CALD1: variants seen among roughly 807,000 people sequenced by gnomAD.
CALD1 encodes caldesmon.
In CALD1, 33 loss-of-function variants were observed where a neutral mutation model predicts 99.9. That is an observed-to-expected ratio of 0.33 (90% confidence interval 0.25 to 0.44). The LOEUF is 0.44. Among genes scored for constraint, CALD1 ranks in the 20% least tolerant of loss-of-function variants. CALD1 has a pLI of 1.00. For synonymous variants in CALD1, 310 were observed against 325.0 expected (o/e 0.95, Z 0.50); for missense variants, 861 against 962.1 (o/e 0.89, Z 1.39).
chr7:134,870,905 G>A (rs976475848), intron 3 of CALD1, among the ~76,000 whole-genome samples: 5 of 152,152 alleles, frequency 3.3e-5, no homozygotes, highest in African/African-American at 1.2e-4. Flanking sequence ...GATCATTTAT[G>A]GGAATAGTGA....
upstream of CALD1, among the ~76,000 whole-genome samples, chr7:134,776,915 C>G (rs1029312354): frequency 3.4e-4 from 51 of 152,080 alleles, no homozygotes; most frequent in African/African-American, 1.2e-3. Flanking sequence ...TATAAAGAAT[C>G]GTCCAGATAT....
At chr7:134,965,214 T>C in intron 13 of CALD1, 92 bp from the exon 14 acceptor site, 1 of 745,636 alleles carries the variant, frequency 1.3e-6, no homozygotes, top group Non-Finnish European at 2.5e-6. Flanking sequence ...ACAAACTGAT[T>C]CAAATAAACA....
chr7:134,818,972 A>G (rs1798665300), intron 1 of CALD1, among the ~76,000 whole-genome samples: 1 of 152,198 alleles, frequency 6.6e-6, no homozygotes, highest in Admixed American at 6.5e-5. Context: ...AGAGATTTCA[A>G]TCCTGTTCAG....
At chr7:134,922,335 T>G (rs1266710018) in intron 3 of CALD1, among the ~76,000 whole-genome samples, 1 of 152,236 alleles carries the variant, frequency 6.6e-6, no homozygotes, top group Admixed American at 6.5e-5. Flanking sequence ...TAAACATGGC[T>G]TCCTCATAAG....
intron 3 of CALD1, among the ~76,000 whole-genome samples, chr7:134,916,848 G>C (rs1339050872): frequency 2.0e-5 from 3 of 152,206 alleles, no homozygotes; most frequent in African/African-American, 7.2e-5. Flanking sequence ...ATTTAGGGAT[G>C]AGTCGAACTT....
intron 1 of CALD1, among the ~76,000 whole-genome samples, chr7:134,792,283 CTTCTT>C (rs1797567567): frequency 6.9e-6 from 1 of 145,082 alleles, no homozygotes; most frequent in Non-Finnish European, 1.5e-5. Flanking sequence ...CAAATTTCCT[CTTCTT>C]TTTTTTTTTT....
the CALD1 span, among the ~76,000 whole-genome samples, chr7:134,730,980 C>T: frequency 6.6e-6 from 1 of 152,148 alleles, no homozygotes; most frequent in Non-Finnish European, 1.5e-5. Context: ...TTATTTCCCT[C>T]ATTCCATGCC....
At chr7:134,908,052 C>T (rs576993730) in intron 3 of CALD1, among the ~76,000 whole-genome samples, 2 of 152,224 alleles carry the variant, frequency 1.3e-5, no homozygotes, top group South Asian at 4.1e-4. Context: ...AGATCTCTAA[C>T]TGAGCTTTAG....
chr7:134,825,746 ATTAACCTCCCAAATGATTTATTGGTCAT>A (rs1221836817), intron 1 of CALD1, among the ~76,000 whole-genome samples: 1 of 152,134 alleles, frequency 6.6e-6, no homozygotes, highest in Admixed American at 6.6e-5. Flanking sequence ...CTTCCTGTAG[ATTAACCTCCCAAATGATTTATTGGTCAT>A]TAATAGCTCA....
intron 1 of CALD1, among the ~76,000 whole-genome samples, chr7:134,795,401 T>C (rs1292336163): frequency 6.6e-6 from 1 of 152,190 alleles, no homozygotes; most frequent in Non-Finnish European, 1.5e-5. Context: ...ATGATTTTGT[T>C]CCTAATTTGC....
At chr7:134,811,093 T>C (rs1374647094) in intron 1 of CALD1, among the ~76,000 whole-genome samples, 1 of 152,176 alleles carries the variant, frequency 6.6e-6, no homozygotes, top group African/African-American at 2.4e-5. Flanking sequence ...ATCTGACCAA[T>C]AGGGTTTACT....
Position 134,970,442 on chromosome 7 carries a change from T to C in CALD1, c.*2097T>C, listed in dbSNP as rs1221601711. On this transcript the variant is annotated 3_prime_UTR_variant, in exon 15 of 15. Transcript: ENST00000361675. The stretch of plus-strand genomic sequence containing the variant: ...AGTTTGGATTTAATCTTTTGAAAAG[T>C]AAATTCCTTGTTTACTGGTTTGACT... 2 of 152,676 alleles carry C rather than the reference T, an allele frequency of 1.3e-5. No individual in the cohort carries two copies. Among genetic ancestry groups the C allele is most frequent in the Admixed American group, 6.5e-5 (1 of 15,288 alleles). 9.5% of individuals were successfully genotyped at this position (152,676 alleles called of 1,614,324 possible).
chr7:134,921,759 C>T (rs776612909), intron 3 of CALD1, among the ~76,000 whole-genome samples: 9 of 151,982 alleles, frequency 5.9e-5, no homozygotes, highest in Non-Finnish European at 8.8e-5. Flanking sequence ...TGCAGTGAGC[C>T]GAGATTGGGC....
the CALD1 span, among the ~76,000 whole-genome samples, chr7:134,731,341 C>T: frequency 6.6e-6 from 1 of 152,218 alleles, no homozygotes; most frequent in Non-Finnish European, 1.5e-5. Flanking sequence ...CTTGCTTTCT[C>T]TTCACCGTCT....
At chr7:134,895,280 A>ATTTGG (rs1300695876) in intron 3 of CALD1, among the ~76,000 whole-genome samples, 1 of 147,294 alleles carries the variant, frequency 6.8e-6, no homozygotes, top group Non-Finnish European at 1.5e-5. Flanking sequence ...AGGATGCTAA[A>ATTTGG]TTTGGTTTTA....
At chr7:134,711,654 C>CTA in the CALD1 span, among the ~76,000 whole-genome samples, 32 of 68,138 alleles carry the variant, frequency 4.7e-4, no homozygotes, top group African/African-American at 2.1e-3. Flanking sequence ...CTCTCTCTCT[C>CTA]TCTCTCTATA....
At chr7:134,753,314 G>A (rs73724851) in intron 1 of CALD1, among the ~76,000 whole-genome samples, 1,856 of 152,212 alleles carry the variant, frequency 0.012, 37 homozygotes, top group African/African-American at 0.039. Flanking sequence ...AAAAATAGGT[G>A]TATCATCTCA....
intron 14 of CALD1, 190 bp downstream of exon 14, chr7:134,965,576 CAT>C (rs893834937): frequency 2.0e-6 from 1 of 502,782 alleles, no homozygotes; most frequent in African/African-American, 1.9e-5. Context: ...AGTCATACAA[CAT>C]AAACGGCCCA....
the CALD1 span, among the ~76,000 whole-genome samples, chr7:134,731,323 T>C: frequency 4.6e-5 from 7 of 152,192 alleles, no homozygotes; most frequent in African/African-American, 1.7e-4. Context: ...CTAAAGCAAG[T>C]TTCCCTGCTT....
Sources: allele counts gnomAD v4.1 joint callset (sites outside exome capture counted in the v4.1 genomes callset), GRCh38; gene constraint gnomAD v4.1.1; transcripts MANE v1.5; gene names NCBI Gene and HGNC (gene_info 2026-07-23, HGNC 2026-07-21).